The following MYRIP variants were observed in gnomAD, a reference collection of about 807,000 sequenced individuals.
The protein encoded by MYRIP is myosin VIIA and Rab interacting protein.
A neutral mutation model predicts 98.0 loss-of-function variants in MYRIP; 49 were observed. That is an observed-to-expected ratio of 0.50 (90% CI 0.40 to 0.63). The LOEUF is 0.63. MYRIP is among the 30% of genes least tolerant of loss of function. The pLI, the probability that MYRIP is intolerant of heterozygous loss-of-function variation, is 0.00. For missense variants in MYRIP, 1,004 were observed against 1,058.2 expected, an observed-to-expected ratio of 0.95 and a Z score of 0.71; for synonymous variants, 404 against 409.5, an observed-to-expected ratio of 0.99 and a Z score of 0.16.
intron 2 of MYRIP, among the ~76,000 whole-genome samples, chr3:40,020,895 G>C (rs1156258920): frequency 6.6e-6 from 1 of 152,110 alleles, no homozygotes; most frequent in Non-Finnish European, 1.5e-5. Context: ...CAAGTGAAGG[G>C]ATTCCACCAG....
intron 2 of MYRIP, among the ~76,000 whole-genome samples, chr3:39,980,671 T>G (rs1043508896): frequency 5.9e-5 from 9 of 152,252 alleles, no homozygotes. Context: ...TGATATTCAC[T>G]GTTGCTTTAG....
chr3:39,931,607 G>A (rs548306916), intron 2 of MYRIP, among the ~76,000 whole-genome samples: 5 of 152,208 alleles, frequency 3.3e-5, no homozygotes, highest in African/African-American at 1.2e-4. Flanking sequence ...AGGGGGGAAA[G>A]CATTCAGTCT....
At chr3:39,993,104 G>A (rs1344583319) in intron 2 of MYRIP, among the ~76,000 whole-genome samples, 2 of 152,152 alleles carry the variant, frequency 1.3e-5, no homozygotes, top group Admixed American at 6.5e-5. Flanking sequence ...CAAGATTGAG[G>A]GGTCAGCATC....
At chr3:40,116,536 T>G (rs1469016473) in intron 3 of MYRIP, among the ~76,000 whole-genome samples, 1 of 152,222 alleles carries the variant, frequency 6.6e-6, no homozygotes, top group African/African-American at 2.4e-5. Context: ...AACACTTTAT[T>G]TTCTCTGAAT....
chr3:39,919,721 T>TGAGAGAGA (rs1392578651), intron 2 of MYRIP, among the ~76,000 whole-genome samples: 1 of 146,832 alleles, frequency 6.8e-6, no homozygotes, highest in Non-Finnish European at 1.5e-5. Flanking sequence ...TGTGTGTGTG[T>TGAGAGAGA]GTGTGTGAGA....
intron 10 of MYRIP, chr3:40,208,863 C>T (rs1306133230): frequency 1.3e-5 from 2 of 152,214 alleles, no homozygotes; most frequent in African/African-American, 4.8e-5. Flanking sequence ...AAAGTTAGTA[C>T]TCATTAGCCA....
At chr3:39,917,600 G>T (rs1575377169) in intron 2 of MYRIP, among the ~76,000 whole-genome samples, 2 of 151,456 alleles carry the variant, frequency 1.3e-5, no homozygotes, top group African/African-American at 4.9e-5. Flanking sequence ...CTCTCTCATT[G>T]TTCTCATTCT....
At chr3:39,900,183 T>C (rs1269819794) in intron 1 of MYRIP, among the ~76,000 whole-genome samples, 1 of 152,220 alleles carries the variant, frequency 6.6e-6, no homozygotes, top group Non-Finnish European at 1.5e-5. Context: ...TAGAGGTGTT[T>C]CCCTACAATA....
intron 8 of MYRIP, among the ~76,000 whole-genome samples, chr3:40,180,793 G>T (rs1575601933): frequency 1.3e-5 from 2 of 152,176 alleles, no homozygotes; most frequent in African/African-American, 4.8e-5. Context: ...TCACCCCAAG[G>T]TTTCGTGGGG....
intron 1 of MYRIP, among the ~76,000 whole-genome samples, chr3:39,884,938 T>G (rs1167032122): frequency 1.5e-5 from 1 of 67,272 alleles, no homozygotes; most frequent in Non-Finnish European, 2.8e-5. Context: ...CCCACCCCCC[T>G]TCTCCCTCCC....
chr3:40,186,599 G>A (rs1460473273), intron 9 of MYRIP, among the ~76,000 whole-genome samples: 6 of 152,150 alleles, frequency 3.9e-5, no homozygotes, highest in Non-Finnish European at 5.9e-5. Flanking sequence ...CCCAGGAGGC[G>A]ATGAATCCTG....
chr3:39,821,344 G>A (rs1023112706), intron 1 of MYRIP, among the ~76,000 whole-genome samples: 5 of 135,594 alleles, frequency 3.7e-5, no homozygotes, highest in African/African-American at 1.1e-4. Flanking sequence ...ACCCCGCCCC[G>A]ACTTAGTGCC....
chr3:40,082,807 T>C (rs1465963510), intron 3 of MYRIP, among the ~76,000 whole-genome samples: 1 of 152,226 alleles, frequency 6.6e-6, no homozygotes, highest in East Asian at 1.9e-4. Flanking sequence ...TTCATCTCGA[T>C]GCTCATGAAG....
At chr3:40,229,168 G>T (rs1689459792) in intron 11 of MYRIP, among the ~76,000 whole-genome samples, 1 of 152,172 alleles carries the variant, frequency 6.6e-6, no homozygotes, top group African/African-American at 2.4e-5. Context: ...CTCTCCCCTG[G>T]CAACACCTTG....
At chr3:39,939,136 A>G (rs576682629) in intron 2 of MYRIP, among the ~76,000 whole-genome samples, 8 of 152,184 alleles carry the variant, frequency 5.3e-5, no homozygotes, top group African/African-American at 1.9e-4. Flanking sequence ...GCTGCCCCCA[A>G]ATCTCACTTT....
At chr3:39,874,809 G>T (rs964523561) in intron 1 of MYRIP, among the ~76,000 whole-genome samples, 76 of 151,900 alleles carry the variant, frequency 5.0e-4, no homozygotes, top group African/African-American at 1.7e-3. Flanking sequence ...TCTCTTTTTT[G>T]GTTGTGTCTC....
intron 2 of MYRIP, among the ~76,000 whole-genome samples, chr3:39,911,414 T>A (rs1432498830): frequency 2.6e-5 from 4 of 152,214 alleles, no homozygotes; most frequent in African/African-American, 9.6e-5. Context: ...AATAACAGTT[T>A]TCTACTAGGT....
intron 1 of MYRIP, among the ~76,000 whole-genome samples, chr3:39,865,385 A>G (rs994100753): frequency 6.6e-6 from 1 of 152,182 alleles, no homozygotes; most frequent in Admixed American, 6.5e-5. Flanking sequence ...CAGAGTAAAC[A>G]GACAACCCAC....
chr3:40,003,004 A>T lies in MYRIP; in HGVS notation c.111-41046A>T, dbSNP rs558481519. Among the ~76,000 whole-genome samples, 90 of 147,948 alleles carry T rather than the reference A, an allele frequency of 6.1e-4. 1 individual carries two copies. Among genetic ancestry groups the T allele is most frequent in the African/African-American group, 2.0e-3 (82 of 40,428 alleles). ...TCTAGACATCTATAGGTATATATACATGTATAAATACATATGTAGATATCT... is the reference window on the plus strand; with the variant it reads ...TCTAGACATCTATAGGTATATATACTTGTATAAATACATATGTAGATATCT... On this transcript the variant is annotated intron_variant, in intron 2 of 16. Coordinates refer to ENST00000302541, the MANE Select transcript of MYRIP (RefSeq NM_015460.4).
Sources: gnomAD v4.1 joint callset for allele counts (sites outside exome capture counted in the v4.1 genomes callset) on GRCh38, gnomAD v4.1.1 for gene constraint, MANE v1.5 for transcripts, NCBI Gene and HGNC (gene_info 2026-07-23, HGNC 2026-07-21) for gene names.